PDE1C: variants seen among roughly 807,000 people sequenced by gnomAD.
The protein encoded by PDE1C is dual specificity calcium/calmodulin-dependent 3',5'-cyclic nucleotide phosphodiesterase 1C.
PDE1C carries 62 observed loss-of-function variants against 93.1 expected under a neutral mutation model. The observed-to-expected ratio is 0.67, with a 90% CI of 0.54 to 0.82. PDE1C has a LOEUF of 0.82. Among genes scored for constraint, PDE1C ranks in the 40% least tolerant of loss-of-function variants. The pLI, the probability that PDE1C is intolerant of heterozygous loss-of-function variation, is 0.00. For missense variants in PDE1C, 742 were observed against 884.6 expected (o/e 0.84, Z 2.04); for synonymous variants, 325 against 310.1 (o/e 1.05, Z -0.50).
rs1473838334 is a variant in PDE1C at position 32,420,120 on chromosome 7, TATATACACACAC to T, written c.310+7690_310+7701del. Among the ~76,000 whole-genome samples the T allele has an allele frequency of 1.2e-3, 28 of 23,158 alleles. 4 individuals carry two copies. The highest frequency in any genetic ancestry group is 1.8e-3 in the Admixed American group (2 of 1,106). 15.2% of individuals were successfully genotyped at this position (23,158 alleles called of 152,430 possible). A position where few individuals can be genotyped will look rare whatever the true frequency, so the allele number is the denominator to read the frequency against. ...ATATATATATATATATATATATATA[TATATACACACAC>T]ACACACACACACACACACACACACA... On this transcript the variant is annotated intron_variant, in intron 1 of 1. Transcript: ENST00000672256.
At chr7:31,697,222 C>A in the PDE1C span, 19 of 1,405,078 alleles carry the variant, frequency 1.4e-5, no homozygotes, top group African/African-American at 2.6e-4. Flanking sequence ...CCCCAGCAAG[C>A]TGCGTTGTCC....
At chr7:31,839,410 A>G (rs1328736028) in intron 9 of PDE1C, among the ~76,000 whole-genome samples, 1 of 140,476 alleles carries the variant, frequency 7.1e-6, no homozygotes, top group African/African-American at 2.8e-5. Flanking sequence ...TTCCATGTAT[A>G]TACATAGACA....
the PDE1C span, among the ~76,000 whole-genome samples, chr7:31,745,431 C>T: frequency 6.6e-6 from 1 of 152,114 alleles, no homozygotes; most frequent in African/African-American, 2.4e-5. Flanking sequence ...GGTCCCTGCT[C>T]TCCAGGAAAT....
intron 1 of PDE1C, among the ~76,000 whole-genome samples, chr7:32,284,115 T>C (rs1435455926): frequency 6.6e-6 from 1 of 152,118 alleles, no homozygotes; most frequent in African/African-American, 2.4e-5. Flanking sequence ...TTAGAGAAAA[T>C]CTAATACACC....
chr7:32,108,458 G>C (rs1360090962), intron 3 of PDE1C, among the ~76,000 whole-genome samples: 1 of 134,302 alleles, frequency 7.4e-6, no homozygotes, highest in Non-Finnish European at 1.6e-5. Flanking sequence ...CACACACACA[G>C]AAGGAGAAAT....
chr7:32,362,005 C>T (rs930996904), intron 1 of PDE1C, among the ~76,000 whole-genome samples: 1 of 152,210 alleles, frequency 6.6e-6, no homozygotes, highest in African/African-American at 2.4e-5. Flanking sequence ...TCTGTGGAGA[C>T]TGGCAAGTTA....
At chr7:31,775,577 T>G in intron 17 of PDE1C, 87 bp downstream of exon 17, 1 of 1,080,450 alleles carries the variant, frequency 9.3e-7, no homozygotes, top group Non-Finnish European at 1.4e-6. Flanking sequence ...GGGGCCATGT[T>G]CTCAGTTTAT....
At chr7:31,754,929 A>G (rs887562170) in intron 17 of PDE1C, among the ~76,000 whole-genome samples, 2 of 152,236 alleles carry the variant, frequency 1.3e-5, no homozygotes, top group African/African-American at 4.8e-5. Flanking sequence ...TCCTAGAATG[A>G]AATGCAAATT....
chr7:31,906,416 A>G (rs1352976316), intron 2 of PDE1C, among the ~76,000 whole-genome samples: 1 of 152,216 alleles, frequency 6.6e-6, no homozygotes, highest in African/African-American at 2.4e-5. Context: ...ACTAAAGTCA[A>G]TCTGTGATTC....
chr7:31,815,801 A>C, intron 15 of PDE1C, 123 bp downstream of exon 15: 1 of 737,348 alleles, frequency 1.4e-6, no homozygotes, highest in Non-Finnish European at 2.4e-6. Context: ...ATCAGAAGGA[A>C]CTGGATGAGC....
At position 31,837,483 on chromosome 7, in the gene PDE1C, T is replaced by G. The variant is rs369111966; in HGVS notation, c.1083-183A>C. On this transcript the variant is annotated intron_variant, in intron 10 of 17. Coordinates refer to ENST00000396191, the MANE Select transcript of PDE1C (RefSeq NM_001191057.4). ...GGGATACTCATTAACTTGGTCTCCATATTTACGGAATTGGACTCTCTGGAC... is the reference window on the plus strand; with the variant it reads ...GGGATACTCATTAACTTGGTCTCCAGATTTACGGAATTGGACTCTCTGGAC... Among the ~76,000 whole-genome samples the G allele has an allele frequency of 2.2e-4, 34 of 152,332 alleles. 2 individuals carry two copies. Among genetic ancestry groups the G allele is most frequent in the Admixed American group, 1.2e-3 (19 of 15,302 alleles).
chr7:31,670,874 G>A, the PDE1C span, among the ~76,000 whole-genome samples: 9 of 152,190 alleles, frequency 5.9e-5, no homozygotes, highest in African/African-American at 2.2e-4. Flanking sequence ...GAGAGGAGAA[G>A]CAGCTGGAGG....
At chr7:31,868,088 A>T (rs897557063) in intron 6 of PDE1C, among the ~76,000 whole-genome samples, 2 of 152,346 alleles carry the variant, frequency 1.3e-5, no homozygotes, top group Admixed American at 1.3e-4. Flanking sequence ...GAAATAAGTG[A>T]CTGTTTAACA....
intron 1 of PDE1C, among the ~76,000 whole-genome samples, chr7:32,421,058 T>G (rs1264483133): frequency 6.7e-6 from 1 of 149,030 alleles, no homozygotes; most frequent in Non-Finnish European, 1.5e-5. Flanking sequence ...AAGTCAGGGT[T>G]TTCACCCCTA....
intron 3 of PDE1C, among the ~76,000 whole-genome samples, chr7:32,137,245 A>G (rs1800264543): frequency 6.6e-6 from 1 of 152,214 alleles, no homozygotes; most frequent in African/African-American, 2.4e-5. Flanking sequence ...GCAATCAATC[A>G]CAGCAATCTA....
chr7:32,083,369 G>A (rs1226020116), intron 3 of PDE1C, among the ~76,000 whole-genome samples: 14 of 151,958 alleles, frequency 9.2e-5, no homozygotes, highest in African/African-American at 1.2e-4. Context: ...TCAAACCTAC[G>A]TCTGATTGGT....
At chr7:31,900,891 A>C (rs1799894194) in intron 2 of PDE1C, among the ~76,000 whole-genome samples, 1 of 151,912 alleles carries the variant, frequency 6.6e-6, no homozygotes, top group Admixed American at 6.6e-5. Flanking sequence ...TAATGTACCA[A>C]ATAAATAAGT....
intron 1 of PDE1C, among the ~76,000 whole-genome samples, chr7:32,324,065 A>T (rs555439889): frequency 6.6e-6 from 1 of 152,330 alleles, no homozygotes; most frequent in Non-Finnish European, 1.5e-5. Flanking sequence ...GAATGATTTA[A>T]TGGTTGAAAA....
intron 2 of PDE1C, among the ~76,000 whole-genome samples, chr7:32,032,797 C>G (rs1219672461): frequency 6.6e-6 from 1 of 152,140 alleles, no homozygotes; most frequent in Non-Finnish European, 1.5e-5. Flanking sequence ...TGCAGAATCT[C>G]AGGCCCCATC....
Sources: gnomAD v4.1 joint callset for allele counts (sites outside exome capture counted in the v4.1 genomes callset) on GRCh38, gnomAD v4.1.1 for gene constraint, MANE v1.5 for transcripts, NCBI Gene and HGNC (gene_info 2026-07-23, HGNC 2026-07-21) for gene names.